SASH1: variants seen among roughly 807,000 people sequenced by gnomAD.
SASH1 encodes the protein SAM and SH3 domain-containing protein 1.
Under a neutral mutation model 125.2 loss-of-function variants are expected in SASH1, and 44 were observed. The observed-to-expected ratio is 0.35, with a 90% CI of 0.28 to 0.45. The LOEUF is 0.45. Ranked by LOEUF, SASH1 falls within the 20% of genes least tolerant of loss-of-function variation. The pLI is 1.00. For synonymous variants in SASH1, 639 were observed against 649.1 expected (o/e 0.98, Z 0.24); for missense variants, 1,426 against 1,614.5 (o/e 0.88, Z 2.00).
intron 1 of SASH1, among the ~76,000 whole-genome samples, chr6:148,358,764 C>CT (rs1456146733): frequency 4.3e-5 from 5 of 116,640 alleles, no homozygotes; most frequent in Admixed American, 3.3e-4. Flanking sequence ...GAGACGGAGT[C>CT]TCCCTTCATC....
At chr6:148,441,264 G>A (rs1266722533) in intron 4 of SASH1, among the ~76,000 whole-genome samples, 4 of 152,238 alleles carry the variant, frequency 2.6e-5, no homozygotes, top group Non-Finnish European at 5.9e-5. Context: ...GAGCGTGTGT[G>A]TGCTTTAGAG....
At chr6:148,420,163 T>C (rs1418774105) in intron 2 of SASH1, among the ~76,000 whole-genome samples, 1 of 152,236 alleles carries the variant, frequency 6.6e-6, no homozygotes, top group African/African-American at 2.4e-5. Flanking sequence ...TTCTATGTCA[T>C]GGACCTTCTA....
At chr6:148,468,932 T>C (rs1777971957) in intron 5 of SASH1, 1 of 176,016 alleles carries the variant, frequency 5.7e-6, no homozygotes, top group Non-Finnish European at 1.2e-5. Context: ...GGTGGAATAT[T>C]ATGCAGACTT....
chr6:148,301,616 T>G (rs1400996650), intron 1 of SASH1, among the ~76,000 whole-genome samples: 1 of 151,382 alleles, frequency 6.6e-6, no homozygotes, highest in African/African-American at 2.4e-5. Context: ...TCTTGCTCTG[T>G]GGCCCAGGCT....
chr6:148,491,852 G>C (rs1779123958), intron 8 of SASH1, among the ~76,000 whole-genome samples: 2 of 152,310 alleles, frequency 1.3e-5, no homozygotes, highest in South Asian at 2.1e-4. Context: ...CCAGCCAGCA[G>C]TGTGTCCCGG....
At chr6:148,414,659 C>T (rs888190869) in intron 2 of SASH1, among the ~76,000 whole-genome samples, 12 of 151,470 alleles carry the variant, frequency 7.9e-5, no homozygotes, top group African/African-American at 2.9e-4. Flanking sequence ...AGCTTACATT[C>T]TTTTTTTTTA....
intron 1 of SASH1, among the ~76,000 whole-genome samples, chr6:148,330,666 A>G (rs185603278): frequency 2.3e-4 from 35 of 151,900 alleles, no homozygotes; most frequent in Admixed American, 2.0e-3. Context: ...GCTCACTGCA[A>G]CCTCCACTTC....
chr6:148,318,221 AACAG>A (rs1187322961), intron 1 of SASH1, among the ~76,000 whole-genome samples: 1 of 152,222 alleles, frequency 6.6e-6, no homozygotes, highest in Admixed American at 6.5e-5. Flanking sequence ...TGAGTCTGGA[AACAG>A]ACAAACAGCA....
intron 2 of SASH1, among the ~76,000 whole-genome samples, chr6:148,427,690 T>G (rs1431876348): frequency 6.6e-6 from 1 of 152,208 alleles, no homozygotes; most frequent in Non-Finnish European, 1.5e-5. Context: ...CCTCTTAGAT[T>G]CAAATTACTC....
chr6:148,421,146 G>GAAGAAAGA (rs751049278), intron 2 of SASH1, among the ~76,000 whole-genome samples: 814 of 70,972 alleles, frequency 0.011, 12 homozygotes, highest in East Asian at 0.024. Context: ...AGGAAGGAAG[G>GAAGAAAGA]AAGAAAGAAA....
chr6:148,298,536 G>A (rs1016081445), intron 1 of SASH1, among the ~76,000 whole-genome samples: 6 of 151,752 alleles, frequency 4.0e-5, no homozygotes, highest in Non-Finnish European at 8.8e-5. Context: ...AGCTACCCAG[G>A]AGTCTAAGGT....
intron 2 of SASH1, among the ~76,000 whole-genome samples, chr6:148,403,266 A>T (rs558341645): frequency 6.6e-6 from 1 of 151,432 alleles, no homozygotes. Flanking sequence ...GAATATTAAT[A>T]TAAGAATATA....
chr6:148,329,460 C>A (rs76492751), intron 1 of SASH1, among the ~76,000 whole-genome samples: 1,625 of 152,334 alleles, frequency 0.011, 25 homozygotes, highest in African/African-American at 0.037. Flanking sequence ...ATAACCATGA[C>A]CCCAATGTCC....
chr6:148,234,259 T>C, the SASH1 span, among the ~76,000 whole-genome samples: 1 of 152,104 alleles, frequency 6.6e-6, no homozygotes. Context: ...ACTATTTCTA[T>C]TGAAAAGTAC....
intron 4 of SASH1, among the ~76,000 whole-genome samples, chr6:148,453,833 A>G (rs1335786693): frequency 6.6e-6 from 1 of 152,232 alleles, no homozygotes; most frequent in Non-Finnish European, 1.5e-5. Flanking sequence ...GGGGATAGGC[A>G]TGGTGCTGAG....
intron 1 of SASH1, among the ~76,000 whole-genome samples, chr6:148,299,799 G>T (rs1358731606): frequency 6.6e-6 from 1 of 152,138 alleles, no homozygotes; most frequent in Non-Finnish European, 1.5e-5. Flanking sequence ...ATTAATTCAG[G>T]ATGCTATCTT....
chr6:148,230,282 T>C, the SASH1 span, among the ~76,000 whole-genome samples: 2 of 152,222 alleles, frequency 1.3e-5, no homozygotes, highest in Non-Finnish European at 2.9e-5. Flanking sequence ...ATTGTATGGA[T>C]AGACCACACT....
At chr6:148,397,589 C>T (rs1165071454) in intron 2 of SASH1, among the ~76,000 whole-genome samples, 1 of 152,162 alleles carries the variant, frequency 6.6e-6, no homozygotes, top group Non-Finnish European at 1.5e-5. Flanking sequence ...CGCAGCCCAG[C>T]ATGATAGAGA....
At chr6:148,407,293 A>T (rs1312696178) in intron 2 of SASH1, among the ~76,000 whole-genome samples, 1 of 152,048 alleles carries the variant, frequency 6.6e-6, no homozygotes, top group African/African-American at 2.4e-5. Context: ...TATGAATTTG[A>T]CCATTCGCAA....
Sources: allele counts gnomAD v4.1 joint callset (sites outside exome capture counted in the v4.1 genomes callset), GRCh38; gene constraint gnomAD v4.1.1; transcripts MANE v1.5; gene names NCBI Gene and HGNC (gene_info 2026-07-23, HGNC 2026-07-21).